Variants in SERPINB7 observed in about 807,000 individuals in gnomAD.
SERPINB7 encodes the protein serpin family B member 7, also known as serpin B7.
A neutral mutation model predicts 37.4 loss-of-function variants in SERPINB7; 31 were observed. That is an observed-to-expected ratio of 0.83 (90% confidence interval 0.62 to 1.12). The LOEUF (loss-of-function observed/expected upper bound fraction) is 1.12, where lower values mean the gene tolerates loss of function less well. Among genes scored for constraint, SERPINB7 ranks in the 50% most tolerant of loss-of-function variants. SERPINB7 has a pLI of 0.00. For missense variants in SERPINB7, 521 were observed against 455.3 expected, an observed-to-expected ratio of 1.14 and a Z score of -1.31; for synonymous variants, 163 against 166.1, an observed-to-expected ratio of 0.98 and a Z score of 0.14.
chr18:63,753,782 A>G (rs1348410852), intron 1 of SERPINB7, among the ~76,000 whole-genome samples: 1 of 152,198 alleles, frequency 6.6e-6, no homozygotes, highest in Non-Finnish European at 1.5e-5. Context: ...TGAGGTTTCA[A>G]AAAAATTTTT....
chr18:63,785,159 A>G (rs1005336645), intron 2 of SERPINB7, among the ~76,000 whole-genome samples: 6 of 152,332 alleles, frequency 3.9e-5, no homozygotes, highest in Admixed American at 3.9e-4. Context: ...ATCTGCACAC[A>G]TTTTTAATCC....
chr18:63,759,310 G>T (rs1398859345), intron 1 of SERPINB7, among the ~76,000 whole-genome samples: 1 of 150,866 alleles, frequency 6.6e-6, no homozygotes, highest in Non-Finnish European at 1.5e-5. Flanking sequence ...GCTGTTTAAA[G>T]AATTAAAATT....
At position 63,794,643 on chromosome 18, in the gene SERPINB7, T is replaced by C. The variant is rs765523294; in HGVS notation, c.336+1366T>C. On this transcript the variant is annotated intron_variant, in intron 4 of 7. Coordinates refer to ENST00000398019, the MANE Select transcript of SERPINB7 (RefSeq NM_003784.4). ...AGGCGGAGCTTGCAGTGAGCCAAGA[T>C]AGCGCCACTGCACTCCGGCCTGGGC... Among the ~76,000 whole-genome samples, 5 of 151,920 alleles carry C rather than the reference T, an allele frequency of 3.3e-5. No homozygotes were observed. The South Asian group carries it at 1.0e-3, about 32-fold the overall frequency.
chr18:63,782,322 G>C (rs369918504), intron 1 of SERPINB7, 33 bp from the exon 2 acceptor site: 1 of 1,254,290 alleles, frequency 8.0e-7, no homozygotes, highest in East Asian at 2.7e-5. Context: ...AAAATGTACC[G>C]GGAACTAATT....
At chr18:63,796,646 T>G (rs941343697) in intron 5 of SERPINB7, among the ~76,000 whole-genome samples, 13 of 152,216 alleles carry the variant, frequency 8.5e-5, no homozygotes, top group Non-Finnish European at 1.3e-4. Context: ...GACAAACATA[T>G]TATTGTGACC....
In SERPINB7 at chr18:63,794,462, G is replaced by A. The variant is rs548818882; in HGVS notation, c.336+1185G>A. On this transcript the variant is annotated intron_variant, in intron 4 of 7. Coordinates refer to ENST00000398019, the MANE Select transcript of SERPINB7 (RefSeq NM_003784.4). ...TCCCAGCACTTTGGGAGGCCGAGGC[G>A]GGCGGATCACAAGGTCAGGAGGTCA... Among the ~76,000 whole-genome samples, 8 of 152,022 alleles carry A rather than the reference G, an allele frequency of 5.3e-5. No homozygotes were observed. The East Asian group carries it at 7.8e-4, about 15-fold the overall frequency.
At chr18:63,754,614 A>G (rs1660119247) in intron 1 of SERPINB7, among the ~76,000 whole-genome samples, 1 of 152,150 alleles carries the variant, frequency 6.6e-6, no homozygotes, top group African/African-American at 2.4e-5. Context: ...ACACGCAGGT[A>G]TCAGTCCCTC....
At chr18:63,785,458 C>T (rs1038852318) in intron 2 of SERPINB7, among the ~76,000 whole-genome samples, 2 of 152,150 alleles carry the variant, frequency 1.3e-5, no homozygotes, top group African/African-American at 2.4e-5. Flanking sequence ...TGCTTTCTGA[C>T]AAGACGTTCT....
intron 1 of SERPINB7, among the ~76,000 whole-genome samples, chr18:63,778,930 CTAAA>C: frequency 6.6e-6 from 1 of 152,040 alleles, no homozygotes; most frequent in Non-Finnish European, 1.5e-5. Context: ...GTTTGTTAAG[CTAAA>C]ATATTTATGC....
exon 1 of SERPINB7, chr18:63,753,092 G>C (rs2049101565): frequency 6.5e-6 from 1 of 152,922 alleles, no homozygotes; most frequent in African/African-American, 2.4e-5. Flanking sequence ...AAGCCCAGCT[G>C]TGAAGGCCGC....
intron 1 of SERPINB7, among the ~76,000 whole-genome samples, chr18:63,768,296 C>G (rs1227326490): frequency 6.6e-6 from 1 of 151,700 alleles, no homozygotes; most frequent in Non-Finnish European, 1.5e-5. Context: ...TCATTCTACC[C>G]TTTTTTTCTT....
chr18:63,796,784 A>G (rs1011207230), intron 5 of SERPINB7, among the ~76,000 whole-genome samples: 3 of 152,210 alleles, frequency 2.0e-5, no homozygotes, highest in Non-Finnish European at 2.9e-5. Flanking sequence ...ATTATTTTCA[A>G]TGACCACAGC....
chr18:63,771,179 A>G (rs889923468), upstream of SERPINB7, among the ~76,000 whole-genome samples: 1 of 152,054 alleles, frequency 6.6e-6, no homozygotes, highest in Admixed American at 6.6e-5. Context: ...AGAGAGACGA[A>G]AGGTATTTAG....
intron 1 of SERPINB7, among the ~76,000 whole-genome samples, chr18:63,770,015 A>G (rs1467205540): frequency 6.7e-6 from 1 of 149,448 alleles, no homozygotes; most frequent in East Asian, 2.0e-4. Flanking sequence ...GTCTGCAGTC[A>G]CCATCAAAGG....
chr18:63,804,234 C>A lies in SERPINB7; in HGVS notation c.745-3C>A, dbSNP rs920564551. On this transcript the variant is annotated splice_region_variant and splice_polypyrimidine_tract_variant and intron_variant, in intron 7 of 7. Coordinates refer to ENST00000398019, the MANE Select transcript of SERPINB7 (RefSeq NM_003784.4). ...CTAAATTATCTCTGAATTATTTTTACAGATTGAAAACAAACTGACCTTTCA... is the reference window on the plus strand; with the variant it reads ...CTAAATTATCTCTGAATTATTTTTAAAGATTGAAAACAAACTGACCTTTCA... 2 of 1,533,120 alleles carry A rather than the reference C, an allele frequency of 1.3e-6. No individual in the cohort carries two copies. The highest frequency in any genetic ancestry group is 1.8e-6 in the Non-Finnish European group (2 of 1,142,718). 95.0% of individuals were successfully genotyped at this position (1,533,120 alleles called of 1,614,324 possible). A position where few individuals can be genotyped will look rare whatever the true frequency, so the allele number is the denominator to read the frequency against.
chr18:63,792,536 G>A, intron 3 of SERPINB7, 93 bp downstream of exon 3: 1 of 798,568 alleles, frequency 1.3e-6, no homozygotes, highest in Non-Finnish European at 2.1e-6. Context: ...GCTGAGGCGG[G>A]TGGATGACTG....
At chr18:63,804,166 ATCT>A in intron 7 of SERPINB7, 68 bp from the exon 8 acceptor site, 1 of 1,104,158 alleles carries the variant, frequency 9.1e-7, no homozygotes, top group Non-Finnish European at 1.3e-6. Flanking sequence ...AAAACTATGT[ATCT>A]CTGTAGCTAT....
chr18:63,758,138 A>G (rs1469993578), intron 1 of SERPINB7, among the ~76,000 whole-genome samples: 2 of 152,130 alleles, frequency 1.3e-5, no homozygotes, highest in African/African-American at 4.8e-5. Flanking sequence ...AAACACACAT[A>G]CTGTATCATT....
chr18:63,795,240 A>G (rs2049474235), intron 4 of SERPINB7, among the ~76,000 whole-genome samples: 1 of 152,214 alleles, frequency 6.6e-6, no homozygotes, highest in Non-Finnish European at 1.5e-5. Flanking sequence ...TGTTAAGAAA[A>G]GAAATCAAGA....
Sources: allele counts gnomAD v4.1 joint callset (sites outside exome capture counted in the v4.1 genomes callset), GRCh38; gene constraint gnomAD v4.1.1; transcripts MANE v1.5; gene names NCBI Gene and HGNC (gene_info 2026-07-23, HGNC 2026-07-21).